The following RPS6KA2 variants were observed in gnomAD, a reference collection of about 807,000 sequenced individuals.
RPS6KA2 encodes ribosomal protein S6 kinase alpha-2.
In RPS6KA2, 42 loss-of-function variants were observed where a neutral mutation model predicts 91.8. The observed-to-expected ratio is 0.46, with a 90% CI of 0.36 to 0.59. The LOEUF is 0.59. RPS6KA2 is among the 20% of genes least tolerant of loss of function. The probability of loss-of-function intolerance (pLI) is 0.00; values close to 1 mark genes in which losing one functional copy is unlikely to be tolerated. For missense variants in RPS6KA2, 798 were observed against 978.5 expected, an observed-to-expected ratio of 0.82 and a Z score of 2.46; for synonymous variants, 414 against 393.6, an observed-to-expected ratio of 1.05 and a Z score of -0.61.
chr6:166,807,879 G>A (rs921371002), intron 2 of RPS6KA2, among the ~76,000 whole-genome samples: 3 of 151,906 alleles, frequency 2.0e-5, no homozygotes, highest in African/African-American at 4.8e-5. Context: ...TTATCCTGCC[G>A]CACTGATTTC....
chr6:166,724,226 G>A (rs1790271200), intron 2 of RPS6KA2, among the ~76,000 whole-genome samples: 1 of 152,090 alleles, frequency 6.6e-6, no homozygotes, highest in Admixed American at 6.6e-5. Context: ...TATCCTAACA[G>A]CAATGAGTTA....
At chr6:166,534,221 CAAAAAAAAAAAAAAA>C (rs34585369) in intron 2 of RPS6KA2, among the ~76,000 whole-genome samples, 449 of 59,398 alleles carry the variant, frequency 7.6e-3, no homozygotes, top group African/African-American at 0.029. Context: ...GACTCTGTCT[CAAAAAAAAAAAAAAA>C]AAAAAAAAAA....
chr6:166,511,330 T>C (rs1008317644), intron 3 of RPS6KA2, among the ~76,000 whole-genome samples: 1 of 152,184 alleles, frequency 6.6e-6, no homozygotes, highest in Non-Finnish European at 1.5e-5. Context: ...ACAGCCATGG[T>C]CACATTTCTG....
intron 2 of RPS6KA2, among the ~76,000 whole-genome samples, chr6:166,640,726 C>T (rs1188508189): frequency 6.6e-6 from 1 of 151,804 alleles, no homozygotes. Flanking sequence ...ATTGTGAGGT[C>T]GAGCACTGTT....
chr6:166,695,403 A>G (rs531489768), intron 2 of RPS6KA2, among the ~76,000 whole-genome samples: 11 of 152,188 alleles, frequency 7.2e-5, no homozygotes, highest in Non-Finnish European at 1.3e-4. Flanking sequence ...ACATGGCCAG[A>G]ACTGGCCAGA....
intron 2 of RPS6KA2, among the ~76,000 whole-genome samples, chr6:166,659,784 C>A (rs563166365): frequency 9.2e-5 from 14 of 152,358 alleles, no homozygotes; most frequent in African/African-American, 2.9e-4. Context: ...ACAGCTCTAG[C>A]ACCGACTGCG....
chr6:166,470,665 A>C (rs1362895198), intron 10 of RPS6KA2, among the ~76,000 whole-genome samples: 2 of 152,178 alleles, frequency 1.3e-5, no homozygotes, highest in African/African-American at 2.4e-5. Flanking sequence ...CTGTCCCCCC[A>C]GAACGAGCCC....
chr6:166,700,657 T>C (rs1407885635), intron 2 of RPS6KA2, among the ~76,000 whole-genome samples: 1 of 152,208 alleles, frequency 6.6e-6, no homozygotes, highest in Non-Finnish European at 1.5e-5. Flanking sequence ...TCCATGCTAA[T>C]GGCTTAACAT....
intron 2 of RPS6KA2, among the ~76,000 whole-genome samples, chr6:166,729,566 T>C (rs1790449862): frequency 6.6e-6 from 1 of 152,194 alleles, no homozygotes; most frequent in Non-Finnish European, 1.5e-5. Flanking sequence ...GGTCTTGAAC[T>C]CCTGGGCTCG....
intron 2 of RPS6KA2, among the ~76,000 whole-genome samples, chr6:166,761,798 G>T (rs73035523): frequency 0.14 from 21,167 of 152,260 alleles, 1,898 homozygotes; most frequent in Middle Eastern, 0.21. Flanking sequence ...AGGAAGGTGG[G>T]ACCGCACGGC....
At chr6:166,527,383 G>A (rs1783094450) in intron 3 of RPS6KA2, among the ~76,000 whole-genome samples, 1 of 152,222 alleles carries the variant, frequency 6.6e-6, no homozygotes, top group African/African-American at 2.4e-5. Flanking sequence ...GTAGGACAGT[G>A]TGTGGCCAAG....
chr6:166,686,637 C>T (rs1583020293), intron 2 of RPS6KA2, among the ~76,000 whole-genome samples: 1 of 152,228 alleles, frequency 6.6e-6, no homozygotes, highest in African/African-American at 2.4e-5. Context: ...CACTTCTGCT[C>T]ATGCTTCAGC....
intron 3 of RPS6KA2, among the ~76,000 whole-genome samples, chr6:166,528,095 G>A (rs1358878497): frequency 1.3e-5 from 2 of 152,176 alleles, no homozygotes; most frequent in Non-Finnish European, 2.9e-5. Context: ...GAGGTCGCAT[G>A]GTAATCTCTG....
chr6:166,814,456 C>G (rs775631652), intron 2 of RPS6KA2, among the ~76,000 whole-genome samples: 5 of 152,218 alleles, frequency 3.3e-5, no homozygotes, highest in Non-Finnish European at 5.9e-5. Context: ...GGGCCATAAA[C>G]CAGTACCAGC....
intron 2 of RPS6KA2, among the ~76,000 whole-genome samples, chr6:166,797,341 A>G (rs1321044741): frequency 1.3e-5 from 2 of 151,744 alleles, no homozygotes; most frequent in Non-Finnish European, 2.9e-5. Context: ...GGCATGACAT[A>G]TAGTTGATCC....
chr6:166,548,776 G>GA lies in RPS6KA2; in HGVS notation c.100-9993dup, dbSNP rs1783906546. The stretch of plus-strand genomic sequence containing the variant: ...AAAATTGTCCAAACTTAGGGCTAGG[G>GA]AAAAATTCTTAGACATGACACCCAA... On this transcript the variant is annotated intron_variant, in intron 1 of 20. Transcript: ENST00000265678. Among the ~76,000 whole-genome samples the GA allele has an allele frequency of 2.6e-5, 4 of 152,278 alleles. No individual in the cohort carries two copies. The East Asian group carries it at 7.7e-4, about 29-fold the overall frequency.
chr6:166,788,631 A>C (rs1336250764), intron 2 of RPS6KA2, among the ~76,000 whole-genome samples: 1 of 152,184 alleles, frequency 6.6e-6, no homozygotes, highest in African/African-American at 2.4e-5. Context: ...GTGGGAGCTG[A>C]ACAATGAGAC....
chr6:166,436,067 G>A (rs1319602722), intron 14 of RPS6KA2, among the ~76,000 whole-genome samples: 2 of 152,130 alleles, frequency 1.3e-5, no homozygotes, highest in East Asian at 3.8e-4. Flanking sequence ...AATATGAATC[G>A]ATCCCTTCAT....
intron 2 of RPS6KA2, among the ~76,000 whole-genome samples, chr6:166,807,084 TGA>T (rs1779510229): frequency 6.6e-6 from 1 of 152,052 alleles, no homozygotes; most frequent in Non-Finnish European, 1.5e-5. Flanking sequence ...ATGCAGAAAA[TGA>T]GAGACAAAAC....
Sources: allele counts gnomAD v4.1 joint callset (sites outside exome capture counted in the v4.1 genomes callset), GRCh38; gene constraint gnomAD v4.1.1; transcripts MANE v1.5; gene names NCBI Gene and HGNC (gene_info 2026-07-23, HGNC 2026-07-21).